WDFY4: variants seen among roughly 807,000 people sequenced by gnomAD.
WDFY4 encodes the protein WDFY family member 4.
Under a neutral mutation model 351.9 loss-of-function variants are expected in WDFY4, and 169 were observed. That is an observed-to-expected ratio of 0.48 (90% CI 0.42 to 0.55). The LOEUF (loss-of-function observed/expected upper bound fraction) is 0.55, where lower values mean the gene tolerates loss of function less well. Ranked by LOEUF, WDFY4 falls within the 20% of genes least tolerant of loss-of-function variation. The pLI, the probability that WDFY4 is intolerant of heterozygous loss-of-function variation, is 0.00. For missense variants in WDFY4, 3,803 were observed against 3,935.6 expected, an observed-to-expected ratio of 0.97 and a Z score of 0.90; for synonymous variants, 1,622 against 1,574.6, an observed-to-expected ratio of 1.03 and a Z score of -0.71.
Position 48,821,160 on chromosome 10 carries a change from T to G in WDFY4, c.5808T>G (p.Asp1936Glu), listed in dbSNP as rs928225975. Residue 1936 changes from aspartate to glutamate, a missense_variant, in exon 34 of 62, where the codon GAT becomes GAG. Coordinates refer to ENST00000325239, the MANE Select transcript of WDFY4 (RefSeq NM_001394531.1). ...TATTCCACATGACAAGTGGAGGTGA[T>G]GCAGCGATGTTCAGAGGTGAGTGGG... ...MELFHMTSGG[D>E]AAMFRDGKEP... 6.4e-7 allele frequency: 1 copy of G among 1,551,574 alleles called. No individual in the cohort carries two copies. The highest frequency in any genetic ancestry group is 8.7e-7 in the Non-Finnish European group (1 of 1,146,860).
At chr10:48,837,543 G>A (rs552250434) in intron 39 of WDFY4, among the ~76,000 whole-genome samples, 5 of 152,170 alleles carry the variant, frequency 3.3e-5, no homozygotes, top group Admixed American at 2.0e-4. Flanking sequence ...AGCTGGAGTA[G>A]TGAACAGCGA....
At chr10:48,909,298 G>A (rs1392746151) in intron 47 of WDFY4, among the ~76,000 whole-genome samples, 2 of 151,846 alleles carry the variant, frequency 1.3e-5, no homozygotes, top group Non-Finnish European at 2.9e-5. Flanking sequence ...TTTTTTTCCT[G>A]TTGTTTATTT....
chr10:48,871,139 G>T (rs373584531), intron 40 of WDFY4, among the ~76,000 whole-genome samples: 1 of 152,122 alleles, frequency 6.6e-6, no homozygotes, highest in South Asian at 2.1e-4. Context: ...GTTTCACCGT[G>T]TTAGCCAGGA....
intron 14 of WDFY4, 103 bp from the exon 15 acceptor site, chr10:48,775,609 G>A: frequency 9.1e-7 from 1 of 1,099,964 alleles, no homozygotes; most frequent in Non-Finnish European, 1.3e-6. Flanking sequence ...GGGGCTGGGA[G>A]GTCAGGGAGC....
intron 13 of WDFY4, among the ~76,000 whole-genome samples, chr10:48,762,723 A>G (rs2065546450): frequency 6.6e-6 from 1 of 152,222 alleles, no homozygotes; most frequent in South Asian, 2.1e-4. Flanking sequence ...TCCTCTACAT[A>G]GCCCTCTCCA....
chr10:48,693,155 A>G (rs372586552), intron 1 of WDFY4, among the ~76,000 whole-genome samples: 1 of 152,214 alleles, frequency 6.6e-6, no homozygotes, highest in African/African-American at 2.4e-5. Flanking sequence ...GAGTCCTATC[A>G]TCAGGGCCAC....
At chr10:48,836,728 A>G (rs1483973426) in intron 39 of WDFY4, among the ~76,000 whole-genome samples, 3 of 152,148 alleles carry the variant, frequency 2.0e-5, no homozygotes, top group African/African-American at 7.2e-5. Context: ...GCAAATTGTG[A>G]CATCACCCAC....
intron 47 of WDFY4, among the ~76,000 whole-genome samples, chr10:48,921,708 C>A (rs1230608250): frequency 1.3e-5 from 2 of 152,028 alleles, no homozygotes; most frequent in Admixed American, 6.6e-5. Flanking sequence ...CTATAAAGAT[C>A]TTTTCAACTC....
intron 47 of WDFY4, among the ~76,000 whole-genome samples, chr10:48,916,519 T>C (rs1838549535): frequency 6.6e-6 from 1 of 152,070 alleles, no homozygotes; most frequent in African/African-American, 2.4e-5. Flanking sequence ...AGCTGGGGGG[T>C]TGCTTTGTTT....
In WDFY4 at chr10:48,907,441, A is replaced by G. The variant is rs538559582; in HGVS notation, c.7586+5578A>G. Among the ~76,000 whole-genome samples, 11 of 152,338 alleles carry G rather than the reference A, an allele frequency of 7.2e-5. No homozygotes were observed. The South Asian group carries it at 1.7e-3, about 23-fold the overall frequency. ...AGTTCCTAAAATCATTCTTAACTGTATAAATTCTTCATATATAATGTTTAG... is the reference window on the plus strand; with the variant it reads ...AGTTCCTAAAATCATTCTTAACTGTGTAAATTCTTCATATATAATGTTTAG... On this transcript the variant is annotated intron_variant, in intron 47 of 61. Transcript: ENST00000325239.
chr10:48,691,500 C>T (rs929809121), intron 1 of WDFY4, among the ~76,000 whole-genome samples: 113 of 152,290 alleles, frequency 7.4e-4, no homozygotes, highest in African/African-American at 2.5e-3. Flanking sequence ...CTGGCTCCAT[C>T]ATGGCAGCCC....
intron 56 of WDFY4, among the ~76,000 whole-genome samples, chr10:48,969,665 A>T (rs1183801964): frequency 6.6e-6 from 1 of 152,078 alleles, no homozygotes; most frequent in Non-Finnish European, 1.5e-5. Context: ...GCCCCCGTGT[A>T]GGCCATGCAG....
intron 29 of WDFY4, 76 bp from the exon 30 acceptor site, chr10:48,811,463 C>T: frequency 7.3e-7 from 1 of 1,372,442 alleles, no homozygotes; most frequent in South Asian, 1.4e-5. Flanking sequence ...CCGGGTGTTC[C>T]TTTGTGTGTC....
chr10:48,974,527 A>AAAAAAAAAAAAAC, intron 57 of WDFY4, among the ~76,000 whole-genome samples: 3 of 23,194 alleles, frequency 1.3e-4, no homozygotes, highest in African/African-American at 2.2e-4. Flanking sequence ...AAAAAAAAAA[A>AAAAAAAAAAAAAC]AACAACTCAT....
At chr10:48,980,068 C>T (rs1393723390) in intron 60 of WDFY4, 1 of 152,218 alleles carries the variant, frequency 6.6e-6, no homozygotes, top group Non-Finnish European at 1.5e-5. Flanking sequence ...CCCAGATCCA[C>T]AACCTTCCTC....
At chr10:48,712,087 A>G (rs1279553005) in intron 2 of WDFY4, among the ~76,000 whole-genome samples, 1 of 152,150 alleles carries the variant, frequency 6.6e-6, no homozygotes, top group Non-Finnish European at 1.5e-5. Flanking sequence ...TGTCCCTATA[A>G]TTGGAGGCAT....
chr10:48,835,275 G>A lies in WDFY4; in HGVS notation c.6663+2566G>A, dbSNP rs2068346563. ...CAATGCAGGGTAAGGCAGGGAGGGG[G>A]GCGAGAGAGGGGCTGGGCTTGTTCA... On this transcript the variant is annotated intron_variant, in intron 39 of 61. Transcript: ENST00000325239. Among the ~76,000 whole-genome samples the A allele has an allele frequency of 2.0e-5, 3 of 152,186 alleles. No homozygotes were observed. In the South Asian group the frequency reaches 6.2e-4, roughly 32 times the overall value.
At chr10:48,825,458 C>T (rs2067961935) in intron 35 of WDFY4, among the ~76,000 whole-genome samples, 1 of 152,108 alleles carries the variant, frequency 6.6e-6, no homozygotes, top group South Asian at 2.1e-4. Flanking sequence ...AATTTATGTT[C>T]CTTTGGGTAT....
At chr10:48,923,170 C>A (rs904103247) in intron 47 of WDFY4, among the ~76,000 whole-genome samples, 1 of 152,148 alleles carries the variant, frequency 6.6e-6, no homozygotes, top group African/African-American at 2.4e-5. Flanking sequence ...CCCACACAAC[C>A]AGTTCTGCCC....
Sources: allele counts gnomAD v4.1 joint callset (sites outside exome capture counted in the v4.1 genomes callset), GRCh38; gene constraint gnomAD v4.1.1; transcripts MANE v1.5; gene names NCBI Gene and HGNC (gene_info 2026-07-23, HGNC 2026-07-21).